SNRNP35: variants seen among roughly 807,000 people sequenced by gnomAD.
SNRNP35 encodes U11/U12 small nuclear ribonucleoprotein 35 kDa protein.
A neutral mutation model predicts 24.3 loss-of-function variants in SNRNP35; 16 were observed. The observed-to-expected ratio is 0.66, with a 90% CI of 0.45 to 1.00. The LOEUF (loss-of-function observed/expected upper bound fraction) is 1.00. Among genes scored for constraint, SNRNP35 ranks in the 50% least tolerant of loss-of-function variants. SNRNP35 has a pLI of 0.00. For missense variants in SNRNP35, 292 were observed against 327.2 expected (o/e 0.89, Z 0.83); for synonymous variants, 106 against 124.8 (o/e 0.85, Z 1.00).
exon 2 of SNRNP35, chr12:123,472,579 C>T (rs970237353): frequency 2.2e-5 from 34 of 1,555,782 alleles, no homozygotes; most frequent in Admixed American, 5.9e-5. Context: ...TCTGTGTAAC[C>T]GTCATCGCGG....
downstream of SNRNP35, among the ~76,000 whole-genome samples, chr12:123,467,164 G>A (rs1353068884): frequency 6.6e-6 from 1 of 152,148 alleles, no homozygotes; most frequent in Non-Finnish European, 1.5e-5. Context: ...AAATAAAAAT[G>A]GGATAGAAAA....
In SNRNP35 at chr12:123,466,279, TAGA is replaced by T. The variant is rs761357135; in HGVS notation, c.740_*1del. ...GAGGGAGAAGAAGGAAAGAGGCAAG[TAGA>T]GGCCCAACAGCAGAACCCCAAAGTG... On this transcript the variant is annotated stop_lost and 3_prime_UTR_variant, in exon 2 of 2. Transcript: ENST00000526639. 3 of 1,516,596 alleles carry T rather than the reference TAGA, an allele frequency of 2.0e-6. No individual in the cohort carries two copies. The South Asian group carries it at 4.1e-5, about 21-fold the overall frequency. 93.9% of individuals were successfully genotyped at this position (1,516,596 alleles called of 1,614,324 possible).
At chr12:123,471,228 G>A (rs1881176713), downstream of SNRNP35, 1 of 151,902 alleles carries the variant, frequency 6.6e-6, no homozygotes, top group African/African-American at 2.4e-5. Context: ...GCACCACCTC[G>A]CCTGGCTAAT....
intron 1 of SNRNP35, among the ~76,000 whole-genome samples, chr12:123,460,956 CTTTTTT>C (rs35246652): frequency 2.4e-5 from 3 of 122,776 alleles, no homozygotes; most frequent in African/African-American, 3.5e-5. Context: ...TGCGCCTGGC[CTTTTTT>C]TTTTTTTTTT....
At chr12:123,467,226 A>C (rs141329791), downstream of SNRNP35, among the ~76,000 whole-genome samples, 3 of 152,382 alleles carry the variant, frequency 2.0e-5, no homozygotes, top group African/African-American at 7.2e-5. Flanking sequence ...CAGTCTGCAC[A>C]GCCAGGTCAG....
chr12:123,467,042 G>A (rs1047189755), downstream of SNRNP35: 1 of 152,164 alleles, frequency 6.6e-6, no homozygotes, highest in African/African-American at 2.4e-5. Context: ...GCAAAAAGAG[G>A]TTATGACCTA....
downstream of SNRNP35, among the ~76,000 whole-genome samples, chr12:123,468,983 T>C (rs1311669566): frequency 6.6e-6 from 1 of 151,934 alleles, no homozygotes; most frequent in Non-Finnish European, 1.5e-5. Flanking sequence ...TTAATAAATA[T>C]CACCCCCATA....
chr12:123,460,956 CTTTTTTTT>C (rs35246652), intron 1 of SNRNP35, among the ~76,000 whole-genome samples: 1 of 122,776 alleles, frequency 8.1e-6, no homozygotes, highest in Non-Finnish European at 1.7e-5. Context: ...TGCGCCTGGC[CTTTTTTTT>C]TTTTTTTTTT....
Position 123,466,289 on chromosome 12 carries a change from A to G in SNRNP35, c.*8A>G. ...AAGGAAAGAGGCAAGTAGAGGCCCA[A>G]CAGCAGAACCCCAAAGTGAAGTTAC... On this transcript the variant is annotated 3_prime_UTR_variant, in exon 2 of 2. Transcript: ENST00000526639. The G allele has an allele frequency of 1.3e-6, 2 of 1,512,576 alleles. No homozygotes were observed. Among genetic ancestry groups the G allele is most frequent in the African/African-American group, 2.8e-5 (2 of 71,720 alleles). The allele number at this position is 1,512,576 out of a possible 1,614,324, so 93.7% of individuals were successfully genotyped here. A position where few individuals can be genotyped will look rare whatever the true frequency, so the allele number is the denominator to read the frequency against.
At chr12:123,468,142 T>C (rs546947785), downstream of SNRNP35, among the ~76,000 whole-genome samples, 53 of 151,878 alleles carry the variant, frequency 3.5e-4, no homozygotes, top group African/African-American at 1.3e-3. Flanking sequence ...GCAGATCACC[T>C]GAGGACAGGA....
downstream of SNRNP35, among the ~76,000 whole-genome samples, chr12:123,469,691 T>C (rs1039279938): frequency 2.0e-5 from 3 of 151,670 alleles, no homozygotes; most frequent in Admixed American, 1.3e-4. Flanking sequence ...TTTGTAGAGG[T>C]GGGTTATTGC....
In SNRNP35 at chr12:123,465,877, G is replaced by A; in HGVS notation, c.337G>A (p.Asp113Asn). 6.2e-7 allele frequency: 1 copy of A among 1,614,048 alleles called. No homozygotes were observed. Residue 113 changes from aspartate (D) to asparagine (N), a missense_variant, in exon 2 of 2, where the codon GAT (aspartate) becomes AAT (asparagine). Asp to Asn is a conservative substitution (Grantham distance 23). Coordinates refer to ENST00000526639, the MANE Select transcript of SNRNP35 (RefSeq NM_022717.4). The surrounding 1 kb of genome is among the most constrained non-coding windows in gnomAD (Gnocchi z 4.2). The stretch of plus-strand genomic sequence containing the variant: ...CGTGATCAAAGCTTACCGAGATGCT[G>A]ATGGCCTGGTTATTGACCAGCATGA... ...RAVIKAYRDA[D>N]GLVIDQHEIF... is the part of the protein sequence containing the mutation.
chr12:123,463,183 C>T (rs1226054472), intron 1 of SNRNP35, among the ~76,000 whole-genome samples: 1 of 151,996 alleles, frequency 6.6e-6, no homozygotes, highest in African/African-American at 2.4e-5. Context: ...GTCTTAGCCC[C>T]CCTAGTAGCT....
At chr12:123,462,593 G>C (rs1160426097) in intron 1 of SNRNP35, among the ~76,000 whole-genome samples, 1 of 148,868 alleles carries the variant, frequency 6.7e-6, no homozygotes, top group African/African-American at 2.5e-5. Flanking sequence ...TGCAACCTTC[G>C]CCTCCTGGGT....
downstream of SNRNP35, among the ~76,000 whole-genome samples, chr12:123,467,409 G>A (rs1881023773): frequency 6.6e-6 from 1 of 152,208 alleles, no homozygotes; most frequent in Non-Finnish European, 1.5e-5. Flanking sequence ...TGAAAATGAA[G>A]AATAAGGAGT....
chr12:123,469,017 T>C (rs1436925613), downstream of SNRNP35, among the ~76,000 whole-genome samples: 2 of 152,122 alleles, frequency 1.3e-5, no homozygotes, highest in African/African-American at 2.4e-5. Context: ...CATTGTAGGA[T>C]GTTCATTAGC....
Position 123,465,807 on chromosome 12 carries a change from T to C in SNRNP35, c.267T>C (p.Gly89=), listed in dbSNP as rs911667049. 6.8e-6 allele frequency: 11 copies of C among 1,613,304 alleles called. No individual in the cohort carries two copies. Among genetic ancestry groups the C allele is most frequent in the Non-Finnish European group, 9.3e-6 (11 of 1,179,856 alleles). Residue 89 remains glycine, a synonymous_variant, in exon 2 of 2, where the codon GGT becomes GGC. Transcript: ENST00000526639. The surrounding 1 kb of genome is among the most constrained non-coding windows in gnomAD (Gnocchi z 4.2). ...RLRLVRDLVT[G]FSKGYAFIEY... is the part of the protein sequence containing the mutation. The stretch of plus-strand genomic sequence containing the variant: ...GGCTGGTCAGGGACTTGGTCACAGG[T>C]TTTTCAAAGGGCTACGCCTTCATCG...
downstream of SNRNP35, chr12:123,470,788 AAG>A (rs376558825): frequency 1.4e-4 from 21 of 152,144 alleles, no homozygotes; most frequent in African/African-American, 4.8e-4. Flanking sequence ...TCTCAAAAAA[AAG>A]AGAGACATTT....
chr12:123,472,837 T>A, exon 2 of SNRNP35: 1 of 737,318 alleles, frequency 1.4e-6, no homozygotes, highest in Non-Finnish European at 2.2e-6. Context: ...GTCAAAGTTA[T>A]TCCAAGAAAG....
Sources: gnomAD v4.1 joint callset for allele counts (sites outside exome capture counted in the v4.1 genomes callset) on GRCh38, gnomAD v4.1.1 for gene constraint, Gnocchi (gnomAD v3.1) non-coding constraint, MANE v1.5 for transcripts, NCBI Gene and HGNC (gene_info 2026-07-23, HGNC 2026-07-21) for gene names.